The following RB1 variants were observed in gnomAD, a reference collection of about 807,000 sequenced individuals.
The protein encoded by RB1 is retinoblastoma-associated protein.
A neutral mutation model predicts 135.4 loss-of-function variants in RB1; 18 were observed. The ratio of observed to expected loss-of-function variants is 0.13; its 90% CI spans 0.09 to 0.20. RB1 has a LOEUF of 0.20. Ranked by LOEUF, RB1 falls within the 10% of genes least tolerant of loss-of-function variation. The probability of loss-of-function intolerance (pLI) is 1.00; values close to 1 mark genes in which losing one functional copy is unlikely to be tolerated. For synonymous variants in RB1, 365 were observed against 373.2 expected (o/e 0.98, Z 0.25); for missense variants, 868 against 1,110.0 (o/e 0.78, Z 3.10).
intron 1 of RB1, among the ~76,000 whole-genome samples, chr13:48,305,083 AT>A (rs1446480382): frequency 6.6e-6 from 1 of 151,966 alleles, no homozygotes; most frequent in African/African-American, 2.4e-5. Context: ...AAAGAGTGTA[AT>A]TGTCATTATT....
intron 2 of RB1, chr13:48,318,810 T>A: frequency 1.1e-6 from 1 of 906,326 alleles, no homozygotes; most frequent in South Asian, 1.3e-5. Context: ...CTGGGCAGCC[T>A]GCGAGCAGCT....
chr13:48,378,230 T>A (rs1952846570), intron 13 of RB1, among the ~76,000 whole-genome samples: 1 of 152,184 alleles, frequency 6.6e-6, no homozygotes, highest in Non-Finnish European at 1.5e-5. Context: ...TTTATAAATC[T>A]TCAGTTTGTA....
intron 24 of RB1, among the ~76,000 whole-genome samples, chr13:48,475,660 A>G (rs1033526244): frequency 1.3e-5 from 2 of 152,216 alleles, no homozygotes; most frequent in Admixed American, 6.5e-5. Context: ...ACAACAGTAG[A>G]TCTAGCCCAC....
chr13:48,431,936 C>T (rs1272730993), intron 17 of RB1, among the ~76,000 whole-genome samples: 1 of 151,820 alleles, frequency 6.6e-6, no homozygotes, highest in Non-Finnish European at 1.5e-5. Flanking sequence ...TAACTGTGTA[C>T]CAGGTGCTTT....
chr13:48,403,948 C>T (rs1948716157), intron 17 of RB1, among the ~76,000 whole-genome samples: 1 of 152,086 alleles, frequency 6.6e-6, no homozygotes, highest in Non-Finnish European at 1.5e-5. Flanking sequence ...CTGCAGGGAG[C>T]CGTGACTGCA....
intron 17 of RB1, among the ~76,000 whole-genome samples, chr13:48,392,309 C>T (rs1448355527): frequency 6.6e-6 from 1 of 152,076 alleles, no homozygotes; most frequent in Non-Finnish European, 1.5e-5. Flanking sequence ...TGGGGTTTCA[C>T]CATGCTGGCC....
chr13:48,481,055 A>G lies in RB1; in HGVS notation c.*984A>G. ...AGGAGCCTTAATTTTTTTTTCATAG[A>G]GATTTGTCTAATTGCATCTCAAAAT... On this transcript the variant is annotated 3_prime_UTR_variant, in exon 27 of 27. Coordinates refer to ENST00000267163, the MANE Select transcript of RB1 (RefSeq NM_000321.3). 1 of 229,984 alleles carries G rather than the reference A, an allele frequency of 4.3e-6. No homozygotes were observed. The highest frequency in any genetic ancestry group is 8.6e-6 in the Non-Finnish European group (1 of 115,832). The allele number at this position is 229,984 out of a possible 1,614,324, so 14.2% of individuals were successfully genotyped here.
chr13:48,314,353 G>T (rs1008467018), intron 2 of RB1, among the ~76,000 whole-genome samples: 1 of 152,128 alleles, frequency 6.6e-6, no homozygotes, highest in African/African-American at 2.4e-5. Flanking sequence ...TTTCGTTTAA[G>T]TCTTTCTTTC....
intron 2 of RB1, among the ~76,000 whole-genome samples, chr13:48,308,540 C>T (rs1952105791): frequency 6.6e-6 from 1 of 151,702 alleles, no homozygotes; most frequent in Non-Finnish European, 1.5e-5. Flanking sequence ...GTAATCTCAG[C>T]TACTTGGGAG....
intron 17 of RB1, among the ~76,000 whole-genome samples, chr13:48,382,304 A>C (rs1411824996): frequency 6.6e-6 from 1 of 152,104 alleles, no homozygotes; most frequent in Non-Finnish European, 1.5e-5. Context: ...ACTAGTTTAC[A>C]GTCCCACCAA....
Position 48,320,850 on chromosome 13 carries a change from A to G in RB1, c.264+13444A>G, listed in dbSNP as rs917526971. On this transcript the variant is annotated intron_variant, in intron 2 of 26. Coordinates refer to ENST00000267163, the MANE Select transcript of RB1 (RefSeq NM_000321.3). Reference sequence around the variant, plus strand: ...CGTCTCAAAAAAGAAAAAAAAAAAAAAGAGTGGCAAGTGGTGCCCATGAGA... The same window carrying G: ...CGTCTCAAAAAAGAAAAAAAAAAAAGAGAGTGGCAAGTGGTGCCCATGAGA... 1.2e-4 allele frequency among the ~76,000 whole-genome samples: 18 copies of G among 152,188 alleles called. 2 individuals carry two copies. Among genetic ancestry groups the G allele is most frequent in the African/African-American group, 4.3e-4 (18 of 41,538 alleles).
chr13:48,431,782 A>G (rs1364910971), intron 17 of RB1, among the ~76,000 whole-genome samples: 1 of 152,210 alleles, frequency 6.6e-6, no homozygotes, highest in Non-Finnish European at 1.5e-5. Flanking sequence ...AACCTAACCG[A>G]AAAAGATTGC....
At chr13:48,320,077 C>A in intron 2 of RB1, 1 of 608,550 alleles carries the variant, frequency 1.6e-6, no homozygotes. Context: ...TTAGGTACTC[C>A]CGGATGGCTT....
At chr13:48,365,179 G>A (rs1415531087) in intron 9 of RB1, among the ~76,000 whole-genome samples, 1 of 151,936 alleles carries the variant, frequency 6.6e-6, no homozygotes, top group Admixed American at 6.6e-5. Flanking sequence ...GCATCATTTT[G>A]TGATTTATAC....
intron 1 of RB1, among the ~76,000 whole-genome samples, chr13:48,306,397 C>T (rs1952080709): frequency 6.6e-6 from 1 of 152,050 alleles, no homozygotes; most frequent in Non-Finnish European, 1.5e-5. Flanking sequence ...AGAGTGAAAC[C>T]CTATTTCAAA....
At chr13:48,399,081 T>C (rs1035385114) in intron 17 of RB1, among the ~76,000 whole-genome samples, 1 of 152,078 alleles carries the variant, frequency 6.6e-6, no homozygotes, top group African/African-American at 2.4e-5. Context: ...AATGAGAATT[T>C]ACTATAAGTG....
intron 2 of RB1, among the ~76,000 whole-genome samples, chr13:48,340,559 T>C (rs1952433217): frequency 7.2e-6 from 1 of 138,144 alleles, no homozygotes; most frequent in Non-Finnish European, 1.6e-5. Flanking sequence ...AACTTTCGCT[T>C]CATTTTTTAA....
In RB1 at chr13:48,456,258, T is replaced by C; in HGVS notation, c.1869T>C (p.Asn623=). 6.2e-7 allele frequency: 1 copy of C among 1,614,198 alleles called. No homozygotes were observed. The highest frequency in any genetic ancestry group is 8.5e-7 in the Non-Finnish European group (1 of 1,180,036). The change falls in exon 19 of 27, where the codon AAT becomes AAC. Residue 623 remains asparagine (N), a synonymous_variant. Coordinates refer to ENST00000267163, the MANE Select transcript of RB1 (RefSeq NM_000321.3). ...PKKKGSTTRV[N]STANAETQAT... ...AAAAAGGTTCAACTACGCGTGTAAATTCTACTGCAAATGCAGAGACACAAG... is the reference window on the plus strand; with the variant it reads ...AAAAAGGTTCAACTACGCGTGTAAACTCTACTGCAAATGCAGAGACACAAG...
chr13:48,366,234 C>T (rs1253082283), intron 9 of RB1, among the ~76,000 whole-genome samples: 1 of 152,082 alleles, frequency 6.6e-6, no homozygotes, highest in Non-Finnish European at 1.5e-5. Flanking sequence ...TTGTAGCAAT[C>T]TTTTTTTCTC....
Sources: allele counts gnomAD v4.1 joint callset (sites outside exome capture counted in the v4.1 genomes callset), GRCh38; gene constraint gnomAD v4.1.1; transcripts MANE v1.5; gene names NCBI Gene and HGNC (gene_info 2026-07-23, HGNC 2026-07-21).